Variants in GAS2L3 observed in about 807,000 individuals in gnomAD.
GAS2L3 encodes GAS2-like protein 3.
A neutral mutation model predicts 37.0 loss-of-function variants in GAS2L3; 28 were observed. That is an observed-to-expected ratio of 0.76 (90% CI 0.56 to 1.04). GAS2L3 has a LOEUF of 1.04. Among genes scored for constraint, GAS2L3 ranks in the 50% least tolerant of loss-of-function variants. The pLI is 0.00. For missense variants in GAS2L3, 793 were observed against 817.6 expected (o/e 0.97, Z 0.37); for synonymous variants, 290 against 296.6 (o/e 0.98, Z 0.23).
Position 100,601,597 on chromosome 12 carries a change from T to C in GAS2L3, c.188-41T>C, listed in dbSNP as rs1955990046. 3 of 899,428 alleles carry C rather than the reference T, an allele frequency of 3.3e-6. No homozygotes were observed. The African/African-American group carries it at 5.0e-5, about 15-fold the overall frequency. The allele number at this position is 899,428 out of a possible 1,614,324, so 55.7% of individuals were successfully genotyped here. ...TAATTAATTTTAACCATATTGTTTTTATGTTTCTAGAAGATTCTTAACTTT... is the reference window on the plus strand; with the variant it reads ...TAATTAATTTTAACCATATTGTTTTCATGTTTCTAGAAGATTCTTAACTTT... On this transcript the variant is annotated intron_variant, in intron 4 of 9. Coordinates refer to ENST00000547754, the MANE Select transcript of GAS2L3 (RefSeq NM_174942.3).
At chr12:100,586,849 A>G (rs919874976) in intron 1 of GAS2L3, among the ~76,000 whole-genome samples, 1 of 152,234 alleles carries the variant, frequency 6.6e-6, no homozygotes, top group Non-Finnish European at 1.5e-5. Context: ...GAAGAAAAGA[A>G]GAGAAAAAAT....
intron 6 of GAS2L3, among the ~76,000 whole-genome samples, chr12:100,614,881 G>T (rs943825897): frequency 6.6e-6 from 1 of 152,120 alleles, no homozygotes; most frequent in South Asian, 2.1e-4. Context: ...ATATTCCATC[G>T]TATAGATATG....
rs1351169804 is a variant in GAS2L3, at chr12:100,623,669, A to G, written c.864A>G (p.Leu288=). ...GTCGAATATTACAGTTTGCCACATT[A>G]GAACAAAAAATTTTAGCATTTCAAA... ...DPCRILQFAT[L]EQKILAFQKG... Residue 288 remains leucine, a synonymous_variant, in exon 10 of 10, where the codon TTA becomes TTG. Coordinates refer to ENST00000547754, the MANE Select transcript of GAS2L3 (RefSeq NM_174942.3). 3.7e-6 allele frequency: 6 copies of G among 1,613,936 alleles called. No homozygotes were observed. Among genetic ancestry groups the G allele is most frequent in the Middle Eastern group, 1.6e-4 (1 of 6,084 alleles).
chr12:100,613,604 T>G (rs1240884348), intron 6 of GAS2L3, among the ~76,000 whole-genome samples: 1 of 151,882 alleles, frequency 6.6e-6, no homozygotes, highest in Non-Finnish European at 1.5e-5. Context: ...CTTTCTTTTT[T>G]TTTTTTTTGA....
At chr12:100,599,066 C>A (rs946396610) in intron 3 of GAS2L3, among the ~76,000 whole-genome samples, 1 of 152,090 alleles carries the variant, frequency 6.6e-6, no homozygotes, top group African/African-American at 2.4e-5. Context: ...CAGGGCTGTC[C>A]CCATACCCGG....
At chr12:100,614,424 C>T (rs913717771) in intron 6 of GAS2L3, among the ~76,000 whole-genome samples, 1 of 151,766 alleles carries the variant, frequency 6.6e-6, no homozygotes, top group Admixed American at 6.6e-5. Flanking sequence ...GATCACGTCG[C>T]TACACTCCAG....
intron 1 of GAS2L3, among the ~76,000 whole-genome samples, chr12:100,589,663 G>T (rs543310440): frequency 6.6e-6 from 1 of 152,132 alleles, no homozygotes; most frequent in Non-Finnish European, 1.5e-5. Flanking sequence ...CACACTACCT[G>T]ATTTCAAACT....
chr12:100,599,456 G>A (rs990288400), intron 3 of GAS2L3, among the ~76,000 whole-genome samples: 6 of 152,112 alleles, frequency 3.9e-5, no homozygotes, highest in Non-Finnish European at 7.4e-5. Flanking sequence ...GAGATACTAC[G>A]CAGTTACTTA....
intron 1 of GAS2L3, among the ~76,000 whole-genome samples, chr12:100,577,390 T>C (rs1036944017): frequency 3.3e-5 from 5 of 152,204 alleles, no homozygotes; most frequent in Non-Finnish European, 7.4e-5. Context: ...AAAAATTGTA[T>C]GCCACAAAAT....
rs1565815702 is a variant in GAS2L3 at position 100,624,016 on chromosome 12, C to T, written c.1211C>T (p.Ser404Phe). The T allele has an allele frequency of 6.2e-7, 1 of 1,614,118 alleles. No homozygotes were observed. The highest frequency in any genetic ancestry group is 8.5e-7 in the Non-Finnish European group (1 of 1,179,994). ...CAGGCTCCTTCAAACAATGCATCAT[C>T]TTCACTTGCTTCATTAAATCCAGTA... Reference protein sequence around the residue: ...KPQAPSNNASSSLASLNPVGK... With the variant: ...KPQAPSNNASFSLASLNPVGK... Residue 404 changes from serine (S) to phenylalanine (F), a missense_variant, in exon 10 of 10, where the codon TCT becomes TTT. By Grantham distance (155) the Ser-to-Phe change is radical (BLOSUM62 -2). Transcript: ENST00000547754.
At chr12:100,615,756 T>G (rs1293782459) in intron 6 of GAS2L3, among the ~76,000 whole-genome samples, 1 of 152,196 alleles carries the variant, frequency 6.6e-6, no homozygotes, top group African/African-American at 2.4e-5. Flanking sequence ...TGTTCTCTCC[T>G]TATTGAATTG....
chr12:100,600,346 T>C lies in GAS2L3; in HGVS notation c.19-36T>C, dbSNP rs143508304. 2,453 of 1,382,636 alleles carry C rather than the reference T, an allele frequency of 1.8e-3. 4 individuals carry two copies. Among genetic ancestry groups the C allele is most frequent in the Non-Finnish European group, 2.1e-3 (2,090 of 1,002,956 alleles). 85.6% of individuals were successfully genotyped at this position (1,382,636 alleles called of 1,614,324 possible). A position where few individuals can be genotyped will look rare whatever the true frequency, so the allele number is the denominator to read the frequency against. On this transcript the variant is annotated intron_variant, in intron 3 of 9. Coordinates refer to ENST00000547754, the MANE Select transcript of GAS2L3 (RefSeq NM_174942.3). The stretch of plus-strand genomic sequence containing the variant: ...ATTATGATGACTTTTAGCAAAGGTT[T>C]TATTCATTCAGTTGATTGATTTTTT...
At position 100,624,037 on chromosome 12, in the gene GAS2L3, C is replaced by G. The variant is rs780895521; in HGVS notation, c.1232C>G (p.Pro411Arg). ...TCATCTTCACTTGCTTCATTAAATC[C>G]AGTAGGTAAAAACACTTCTTCACCA... ...NASSSLASLN[P>R]VGKNTSSPAL... The change falls in exon 10 of 10, where the codon CCA (proline) becomes CGA (arginine). Residue 411 changes from proline to arginine, a missense_variant. Coordinates refer to ENST00000547754, the MANE Select transcript of GAS2L3 (RefSeq NM_174942.3). The G allele has an allele frequency of 5.0e-6, 8 of 1,614,030 alleles. No individual in the cohort carries two copies. The South Asian group carries it at 7.7e-5, about 16-fold the overall frequency.
At chr12:100,584,303 G>C (rs1311368556) in intron 1 of GAS2L3, among the ~76,000 whole-genome samples, 1 of 152,158 alleles carries the variant, frequency 6.6e-6, no homozygotes, top group Non-Finnish European at 1.5e-5. Flanking sequence ...AATCAAAAAA[G>C]TTACAAGCCT....
At chr12:100,619,290 A>C (rs927953037) in intron 8 of GAS2L3, among the ~76,000 whole-genome samples, 1 of 151,880 alleles carries the variant, frequency 6.6e-6, no homozygotes, top group Non-Finnish European at 1.5e-5. Context: ...TTATCTGTTC[A>C]TTAGGTAGAA....
At chr12:100,576,404 CGTGT>C (rs930576926) in intron 1 of GAS2L3, among the ~76,000 whole-genome samples, 3 of 152,036 alleles carry the variant, frequency 2.0e-5, no homozygotes, top group African/African-American at 7.2e-5. Context: ...CTTACAGTAA[CGTGT>C]GTATTTTACT....
At chr12:100,575,039 A>G (rs1051205558) in intron 1 of GAS2L3, among the ~76,000 whole-genome samples, 1 of 151,882 alleles carries the variant, frequency 6.6e-6, no homozygotes, top group Admixed American at 6.6e-5. Flanking sequence ...ATCAGACTTC[A>G]TTGGATATCT....
intron 3 of GAS2L3, among the ~76,000 whole-genome samples, chr12:100,599,545 G>T (rs1955957854): frequency 6.6e-6 from 1 of 152,092 alleles, no homozygotes; most frequent in Non-Finnish European, 1.5e-5. Flanking sequence ...TTTGCCCCAT[G>T]GACTATAGTT....
chr12:100,618,789 G>T, intron 8 of GAS2L3: 2 of 468,122 alleles, frequency 4.3e-6, no homozygotes, highest in Non-Finnish European at 7.3e-6. Flanking sequence ...GTATGATGAG[G>T]AATAAATGTG....
Sources: allele counts gnomAD v4.1 joint callset (sites outside exome capture counted in the v4.1 genomes callset), GRCh38; gene constraint gnomAD v4.1.1; transcripts MANE v1.5; gene names NCBI Gene and HGNC (gene_info 2026-07-23, HGNC 2026-07-21).